Variants in PRKG2 observed in about 807,000 individuals in gnomAD.
PRKG2 encodes the protein protein kinase cGMP-dependent 2, also known as cGMP-dependent protein kinase 2.
Under a neutral mutation model 97.2 loss-of-function variants are expected in PRKG2, and 33 were observed. The observed-to-expected ratio is 0.34, with a 90% CI of 0.26 to 0.45. The LOEUF is 0.45. Ranked by LOEUF, PRKG2 falls within the 20% of genes least tolerant of loss-of-function variation. The probability of loss-of-function intolerance (pLI) is 1.00; values close to 1 mark genes in which losing one functional copy is unlikely to be tolerated. For synonymous variants in PRKG2, 330 were observed against 321.8 expected (o/e 1.03, Z -0.27); for missense variants, 638 against 900.0 (o/e 0.71, Z 3.73).
intron 15 of PRKG2, among the ~76,000 whole-genome samples, chr4:81,109,956 G>A (rs1743734734): frequency 2.0e-5 from 3 of 152,164 alleles, no homozygotes; most frequent in African/African-American, 7.2e-5. Context: ...GAAAGCAGCT[G>A]ACAAGAGGAT....
intron 8 of PRKG2, among the ~76,000 whole-genome samples, chr4:81,149,953 CCTT>C (rs1223379898): frequency 1.3e-5 from 2 of 152,136 alleles, no homozygotes; most frequent in Non-Finnish European, 2.9e-5. Flanking sequence ...CATTCTGAGA[CCTT>C]CTGACATAAC....
At position 81,171,781 on chromosome 4, in the gene PRKG2, C is replaced by G. The variant is rs566711398; in HGVS notation, c.652G>C (p.Gly218Arg). Residue 218 changes from glycine (G) to arginine (R), a missense_variant, in exon 4 of 19, where the codon GGG becomes CGG. Coordinates refer to ENST00000264399, the MANE Select transcript of PRKG2 (RefSeq NM_006259.3). ...GGGATGGAGGACAGCAATTTCTCCC[C>G]TTGGAACACCTCTAGTCGACCCTCT... ...LAEGRLEVFQGEKLLSSIPMW... is the reference protein window; with the variant it reads ...LAEGRLEVFQREKLLSSIPMW... The G allele has an allele frequency of 1.3e-4, 210 of 1,610,078 alleles. 2 individuals carry two copies. In the South Asian group the frequency reaches 1.9e-3, roughly 15 times the overall value.
intron 2 of PRKG2, among the ~76,000 whole-genome samples, chr4:81,193,777 T>C (rs1461193910): frequency 6.6e-6 from 1 of 152,014 alleles, no homozygotes; most frequent in Non-Finnish European, 1.5e-5. Flanking sequence ...AAGGCAGAGG[T>C]TGCAGTGAGC....
chr4:81,089,316 A>G lies in PRKG2; in HGVS notation c.*392T>C. The G allele has an allele frequency of 6.5e-6, 1 of 154,668 alleles. No homozygotes were observed. Among genetic ancestry groups the G allele is most frequent in the Non-Finnish European group, 1.4e-5 (1 of 69,760 alleles). 9.6% of individuals were successfully genotyped at this position (154,668 alleles called of 1,614,324 possible). On this transcript the variant is annotated 3_prime_UTR_variant, in exon 19 of 19. Coordinates refer to ENST00000264399, the MANE Select transcript of PRKG2 (RefSeq NM_006259.3). The stretch of plus-strand genomic sequence containing the variant: ...AAAATTCACCATTGTTTTTCCTTCT[A>G]TTTGTATGACTTAGTTATTCAAGGG...
rs1477680433 is a variant in PRKG2 at position 81,142,992 on chromosome 4, A to G, written c.1254-45T>C. 2 of 1,535,090 alleles carry G rather than the reference A, an allele frequency of 1.3e-6. 1 individual carries two copies. The highest frequency in any genetic ancestry group is 3.6e-5 in the Admixed American group (2 of 55,976). On this transcript the variant is annotated intron_variant, in intron 10 of 18. Coordinates refer to ENST00000264399, the MANE Select transcript of PRKG2 (RefSeq NM_006259.3). ...CTTTACACACACACACCCATAATTA[A>G]GAAGGTGTCATGCCATACATAAATT...
chr4:81,144,704 C>T (rs941271434), intron 9 of PRKG2, among the ~76,000 whole-genome samples: 17 of 150,590 alleles, frequency 1.1e-4, no homozygotes, highest in Non-Finnish European at 2.1e-4. Flanking sequence ...GTGTGCTGCA[C>T]CCATTAACTC....
intron 6 of PRKG2, among the ~76,000 whole-genome samples, chr4:81,155,019 A>T (rs1403003295): frequency 6.7e-6 from 1 of 148,852 alleles, no homozygotes; most frequent in South Asian, 2.1e-4. Flanking sequence ...CTAAAAATAC[A>T]AAAAAAAAAT....
At chr4:81,216,670 A>G (rs918265255), upstream of PRKG2, among the ~76,000 whole-genome samples, 3 of 151,918 alleles carry the variant, frequency 2.0e-5, no homozygotes, top group Non-Finnish European at 4.4e-5. Context: ...TGTAATTCCT[A>G]CCTCACCCAC....
chr4:81,102,615 A>G (rs957577891), intron 17 of PRKG2, among the ~76,000 whole-genome samples: 3 of 152,214 alleles, frequency 2.0e-5, no homozygotes, highest in African/African-American at 7.2e-5. Flanking sequence ...TTGATTCTAT[A>G]AAATCTACAT....
intron 10 of PRKG2, 72 bp downstream of exon 10, chr4:81,144,160 C>G (rs1747568003): frequency 7.2e-7 from 1 of 1,387,058 alleles, no homozygotes; most frequent in Non-Finnish European, 1.0e-6. Context: ...GCAAGTCACA[C>G]CCTCTGTCCC....
intron 14 of PRKG2, among the ~76,000 whole-genome samples, chr4:81,132,079 T>A (rs191385579): frequency 9.9e-5 from 15 of 152,230 alleles, no homozygotes; most frequent in Admixed American, 8.5e-4. Context: ...CATTTAGGTT[T>A]TTTTTCAGTG....
intron 14 of PRKG2, among the ~76,000 whole-genome samples, chr4:81,125,461 T>G (rs80011527): frequency 0.013 from 2,012 of 152,310 alleles, 39 homozygotes; most frequent in African/African-American, 0.045. Flanking sequence ...TTCCTTTTTA[T>G]TGGTGAGCAG....
intron 14 of PRKG2, among the ~76,000 whole-genome samples, chr4:81,118,078 A>G (rs1205977862): frequency 6.6e-6 from 1 of 152,214 alleles, no homozygotes; most frequent in African/African-American, 2.4e-5. Context: ...AATGTCATTT[A>G]GTTGGAATAA....
At chr4:81,193,602 G>A (rs1379191706) in intron 2 of PRKG2, among the ~76,000 whole-genome samples, 1 of 152,086 alleles carries the variant, frequency 6.6e-6, no homozygotes, top group Non-Finnish European at 1.5e-5. Context: ...CACTTTGGGA[G>A]GCCAAGGTGG....
At chr4:81,122,767 G>C (rs1177752786) in intron 14 of PRKG2, among the ~76,000 whole-genome samples, 1 of 152,204 alleles carries the variant, frequency 6.6e-6, no homozygotes, top group Non-Finnish European at 1.5e-5. Context: ...GGAATTTGCA[G>C]AATGAGACCA....
chr4:81,139,539 T>C (rs1425849088), intron 12 of PRKG2, among the ~76,000 whole-genome samples: 1 of 151,378 alleles, frequency 6.6e-6, no homozygotes, highest in Admixed American at 6.6e-5. Context: ...AGGCCGAGGT[T>C]GGCAGATCAC....
chr4:81,205,868 T>C (rs1181199095), intron 1 of PRKG2, among the ~76,000 whole-genome samples: 1 of 152,226 alleles, frequency 6.6e-6, no homozygotes, highest in African/African-American at 2.4e-5. Context: ...AAAGTAATCA[T>C]GAATCTAGTG....
chr4:81,214,381 T>C (rs1044729090), intron 1 of PRKG2, among the ~76,000 whole-genome samples: 37 of 151,662 alleles, frequency 2.4e-4, no homozygotes, highest in African/African-American at 7.3e-4. Context: ...ATCCCCAAAG[T>C]GGCTGGTTTC....
intron 3 of PRKG2, among the ~76,000 whole-genome samples, chr4:81,172,248 A>C (rs1750548447): frequency 6.6e-6 from 1 of 152,130 alleles, no homozygotes; most frequent in Non-Finnish European, 1.5e-5. Context: ...GAAATGTAAT[A>C]CATGAAACTA....
Sources: gnomAD v4.1 joint callset for allele counts (sites outside exome capture counted in the v4.1 genomes callset) on GRCh38, gnomAD v4.1.1 for gene constraint, MANE v1.5 for transcripts, NCBI Gene and HGNC (gene_info 2026-07-23, HGNC 2026-07-21) for gene names.